Variants in EFEMP2 observed in about 807,000 individuals in gnomAD.
EFEMP2 encodes the protein EGF-like fibulin extracellular matrix protein 2.
Under a neutral mutation model 55.3 loss-of-function variants are expected in EFEMP2, and 21 were observed. The ratio of observed to expected loss-of-function variants is 0.38; its 90% CI spans 0.27 to 0.55. The LOEUF (loss-of-function observed/expected upper bound fraction) is 0.55. EFEMP2 is among the 20% of genes least tolerant of loss of function. EFEMP2 has a pLI of 0.77. For synonymous variants in EFEMP2, 275 were observed against 242.3 expected (o/e 1.14, Z -1.25); for missense variants, 513 against 615.1 (o/e 0.83, Z 1.76).
At position 65,871,241 on chromosome 11, in the gene EFEMP2, C is replaced by T; in HGVS notation, c.283G>A (p.Gly95Arg). ...GCGGGAGGCACTGGTGGCGGGGGTC[C>T]CTCGCCGTGTAGGTCGTTGATGACG... ...AAVINDLHGE[G>R]PPPPVPPAQH... The change falls in exon 4 of 11, where the codon GGA (glycine) becomes AGA (arginine). Residue 95 changes from glycine (G) to arginine (R), a missense_variant. By Grantham distance (125) the Gly-to-Arg change is moderately radical. Transcript: ENST00000307998. 7 of 1,614,028 alleles carry T rather than the reference C, an allele frequency of 4.3e-6. No homozygotes were observed. Among genetic ancestry groups the T allele is most frequent in the Non-Finnish European group, 5.1e-6 (6 of 1,179,904 alleles).
At chr11:65,867,656 C>G (rs1859878170) in intron 10 of EFEMP2, 1 of 637,532 alleles carries the variant, frequency 1.6e-6, no homozygotes. Flanking sequence ...GACTCAAACT[C>G]CCGTGTCCGA....
At position 65,870,191 on chromosome 11, in the gene EFEMP2, G is replaced by T; in HGVS notation, c.537C>A (p.Asn179Lys). Residue 179 changes from asparagine (N) to lysine (K), a missense_variant, in exon 6 of 11, where the codon AAC (asparagine) becomes AAA (lysine). Asn to Lys is a moderately conservative substitution (Grantham distance 94). Coordinates refer to ENST00000307998, the MANE Select transcript of EFEMP2 (RefSeq NM_016938.5). ...ACTGGCAGCGGAAGGAGCCAGGCAG[G>T]TTCACGCAGCGGTGCTGGCAGTAGC... ...RYRYCQHRCV[N>K]LPGSFRCQCE... 2 of 1,613,830 alleles carry T rather than the reference G, an allele frequency of 1.2e-6. No individual in the cohort carries two copies. The highest frequency in any genetic ancestry group is 1.7e-6 in the Non-Finnish European group (2 of 1,180,014).
chr11:65,869,395 G>A (rs1320653427), intron 7 of EFEMP2: 1 of 232,062 alleles, frequency 4.3e-6, no homozygotes, highest in African/African-American at 2.2e-5. Flanking sequence ...GGCCAAGTGT[G>A]TCAGGGAATA....
intron 3 of EFEMP2, 76 bp from the exon 4 acceptor site, chr11:65,871,439 C>G (rs771589109): frequency 1.8e-5 from 25 of 1,417,780 alleles, no homozygotes; most frequent in Non-Finnish European, 2.0e-5. Context: ...GAACCCAGCT[C>G]GGCCTTCTCT....
At chr11:65,869,355 C>G in intron 7 of EFEMP2, 1 of 196,912 alleles carries the variant, frequency 5.1e-6, no homozygotes, top group Non-Finnish European at 1.1e-5. Context: ...AGGAGAAAAT[C>G]ATACCTCCTA....
intron 7 of EFEMP2, chr11:65,868,884 G>T: frequency 2.0e-6 from 1 of 508,228 alleles, no homozygotes; most frequent in Non-Finnish European, 3.6e-6. Flanking sequence ...TAGAGGCTTG[G>T]GTGTGAATCC....
chr11:65,869,961 T>A lies in EFEMP2; in HGVS notation c.623A>T (p.Asp208Val). Residue 208 changes from aspartate to valine, a missense_variant, in exon 7 of 11, where the codon GAC (aspartate) becomes GTC (valine). By Grantham distance (152) the Asp-to-Val change is radical. Transcript: ENST00000307998. The stretch of plus-strand genomic sequence containing the variant: ...GCGCTGCTCGCATGGGGCCCCCATG[T>A]CACACTCGTTCACATCTGGGGGTGC... Reference protein sequence around the residue: ...NRSCVDVNECDMGAPCEQRCF... With the variant: ...NRSCVDVNECVMGAPCEQRCF... 6.2e-7 allele frequency: 1 copy of A among 1,613,868 alleles called. No homozygotes were observed. The highest frequency in any genetic ancestry group is 8.5e-7 in the Non-Finnish European group (1 of 1,179,956).
In EFEMP2 at chr11:65,866,675, G is replaced by A. The variant is rs528615507; in HGVS notation, c.*243C>T. ...TCTCGGGGTGACTGAAGCTCGTGGT[G>A]CAGAGCTCCCAGCTCCTGTCAATGG... On this transcript the variant is annotated 3_prime_UTR_variant, in exon 11 of 11. Coordinates refer to ENST00000307998, the MANE Select transcript of EFEMP2 (RefSeq NM_016938.5). 4 of 705,426 alleles carry A rather than the reference G, an allele frequency of 5.7e-6. No individual in the cohort carries two copies. The highest frequency in any genetic ancestry group is 4.4e-5 in the South Asian group (3 of 67,644). The allele number at this position is 705,426 out of a possible 1,614,324, so 43.7% of individuals were successfully genotyped here. A position where few individuals can be genotyped will look rare whatever the true frequency, so the allele number is the denominator to read the frequency against.
rs746051296 is a variant in EFEMP2 at position 65,867,086 on chromosome 11, G to A, written c.1171-7C>T. ...CGCTGACGTTGTTGATTTGCTGCAG[G>A]GCAGTGGGTGGGGGGACATATATAT... On this transcript the variant is annotated splice_polypyrimidine_tract_variant and splice_region_variant and intron_variant, in intron 10 of 10. Transcript: ENST00000307998. 4 of 1,613,798 alleles carry A rather than the reference G, an allele frequency of 2.5e-6. No individual in the cohort carries two copies. Among genetic ancestry groups the A allele is most frequent in the African/African-American group, 2.7e-5 (2 of 74,882 alleles).
At chr11:65,868,187 T>C in intron 9 of EFEMP2, 108 bp downstream of exon 9, 1 of 1,571,688 alleles carries the variant, frequency 6.4e-7, no homozygotes, top group Non-Finnish European at 8.7e-7. Flanking sequence ...AGGACTATGA[T>C]TCCCATCATC....
intron 3 of EFEMP2, 137 bp from the exon 4 acceptor site, chr11:65,871,500 C>T: frequency 1.2e-6 from 1 of 844,988 alleles, no homozygotes; most frequent in Non-Finnish European, 1.9e-6. Context: ...CAAGCTAAGT[C>T]TGCCTGCTCA....
At position 65,870,710 on chromosome 11, in the gene EFEMP2, A is replaced by G. The variant is rs759135641; in HGVS notation, c.368-52T>C. The G allele has an allele frequency of 3.7e-6, 6 of 1,612,356 alleles. No individual in the cohort carries two copies. In the Admixed American group the frequency reaches 6.7e-5, roughly 18 times the overall value. ...CCTGGGATCCCGCACACCACCCAACATGACAGATAGTTCCAACACTTGTAT... is the reference window on the plus strand; with the variant it reads ...CCTGGGATCCCGCACACCACCCAACGTGACAGATAGTTCCAACACTTGTAT... On this transcript the variant is annotated intron_variant, in intron 4 of 10. Coordinates refer to ENST00000307998, the MANE Select transcript of EFEMP2 (RefSeq NM_016938.5).
At chr11:65,868,717 A>G (rs1455037416) in intron 7 of EFEMP2, 88 bp from the exon 8 acceptor site, 2 of 1,561,812 alleles carry the variant, frequency 1.3e-6, no homozygotes, top group Admixed American at 1.7e-5. Context: ...GCCCAGCCCC[A>G]TGTTAGACTG....
chr11:65,868,709 C>T (rs1487824724), intron 7 of EFEMP2, 80 bp from the exon 8 acceptor site: 1 of 1,586,732 alleles, frequency 6.3e-7, no homozygotes, highest in Non-Finnish European at 8.6e-7. Flanking sequence ...CCAAGAAGGC[C>T]CAGCCCCATG....
intron 7 of EFEMP2, chr11:65,869,584 T>G: frequency 2.0e-6 from 1 of 495,644 alleles, no homozygotes; most frequent in Non-Finnish European, 3.7e-6. Flanking sequence ...CAAATGCAGG[T>G]AAATGCAGGT....
At position 65,871,149 on chromosome 11, in the gene EFEMP2, C is replaced by G; in HGVS notation, c.367+8G>C. ...TGGAAGCCAGGCACCAGAGCAGTCCCCACTCACCCACACAGCTGTCCTGAT... is the reference window on the plus strand; with the variant it reads ...TGGAAGCCAGGCACCAGAGCAGTCCGCACTCACCCACACAGCTGTCCTGAT... On this transcript the variant is annotated splice_region_variant and intron_variant, in intron 4 of 10. Transcript: ENST00000307998. 4 of 1,614,000 alleles carry G rather than the reference C, an allele frequency of 2.5e-6. No individual in the cohort carries two copies. Among genetic ancestry groups the G allele is most frequent in the Non-Finnish European group, 3.4e-6 (4 of 1,180,004 alleles).
chr11:65,869,694 TG>T, intron 7 of EFEMP2, 162 bp downstream of exon 7: 1 of 1,054,390 alleles, frequency 9.5e-7, no homozygotes, highest in Non-Finnish European at 1.4e-6. Context: ...CCCACTAGCC[TG>T]GGAGTGCTCC....
At chr11:65,867,772 G>A in intron 10 of EFEMP2, 89 bp downstream of exon 10, 1 of 1,426,256 alleles carries the variant, frequency 7.0e-7, no homozygotes, top group South Asian at 1.2e-5. Context: ...GAGGGGTGGG[G>A]CATAGCAGCC....
rs1859903187 is a variant in EFEMP2 at position 65,868,445 on chromosome 11, A to C, written c.848-24T>G. On this transcript the variant is annotated intron_variant, in intron 8 of 10. Transcript: ENST00000307998. ...GTCTGTGCCAGGGGAGAGGGGCTGGAATCGGGGGCGTCAGGCTGCCAGCTC... is the reference window on the plus strand; with the variant it reads ...GTCTGTGCCAGGGGAGAGGGGCTGGCATCGGGGGCGTCAGGCTGCCAGCTC... The C allele has an allele frequency of 6.2e-7, 1 of 1,613,766 alleles. No homozygotes were observed. The highest frequency in any genetic ancestry group is 8.5e-7 in the Non-Finnish European group (1 of 1,179,998).
Sources: gnomAD v4.1 joint callset for allele counts on GRCh38, gnomAD v4.1.1 for gene constraint, MANE v1.5 for transcripts, NCBI Gene and HGNC (gene_info 2026-07-23, HGNC 2026-07-21) for gene names.